Variants in TSHZ2 observed in about 807,000 individuals in gnomAD.
The protein encoded by TSHZ2 is teashirt homolog 2.
TSHZ2 carries 21 observed loss-of-function variants against 74.4 expected under a neutral mutation model. The ratio of observed to expected loss-of-function variants is 0.28; its 90% confidence interval spans 0.20 to 0.41. TSHZ2 has a LOEUF of 0.41. Among genes scored for constraint, TSHZ2 ranks in the 10% least tolerant of loss-of-function variants. The probability of loss-of-function intolerance (pLI) is 1.00; values close to 1 mark genes in which losing one functional copy is unlikely to be tolerated. For missense variants in TSHZ2, 1,244 were observed against 1,293.5 expected (o/e 0.96, Z 0.59); for synonymous variants, 540 against 515.3 (o/e 1.05, Z -0.65).
At chr20:53,197,457 T>G (rs568688045) in intron 1 of TSHZ2, among the ~76,000 whole-genome samples, 4 of 152,326 alleles carry the variant, frequency 2.6e-5, no homozygotes, top group Non-Finnish European at 5.9e-5. Flanking sequence ...CATTAACATC[T>G]TCTGTGTCTA....
intron 2 of TSHZ2, among the ~76,000 whole-genome samples, chr20:53,363,739 C>T (rs1476486752): frequency 6.6e-6 from 1 of 152,122 alleles, no homozygotes; most frequent in Non-Finnish European, 1.5e-5. Flanking sequence ...CTTGAGCCTG[C>T]GAAGTCAAGG....
intron 2 of TSHZ2, among the ~76,000 whole-genome samples, chr20:53,344,705 G>A (rs1222659804): frequency 6.6e-6 from 1 of 152,120 alleles, no homozygotes; most frequent in Non-Finnish European, 1.5e-5. Context: ...AACTGGGTAT[G>A]TTAAAAATAG....
At chr20:53,454,798 A>G (rs1433482525) in intron 2 of TSHZ2, among the ~76,000 whole-genome samples, 3 of 152,076 alleles carry the variant, frequency 2.0e-5, no homozygotes, top group African/African-American at 7.2e-5. Flanking sequence ...AGAAAGTTTC[A>G]TTTGTCTTAT....
At chr20:53,010,434 A>C (rs1029055118) in intron 1 of TSHZ2, among the ~76,000 whole-genome samples, 1 of 152,174 alleles carries the variant, frequency 6.6e-6, no homozygotes, top group South Asian at 2.1e-4. Context: ...GGCACTAGTA[A>C]CTCAGAGTGG....
chr20:52,976,824 A>G, intron 1 of TSHZ2, among the ~76,000 whole-genome samples: 1 of 152,154 alleles, frequency 6.6e-6, no homozygotes, highest in East Asian at 1.9e-4. Context: ...GCCCCTGCCC[A>G]CCCAAAGCAA....
chr20:53,012,537 G>C (rs1231362509), intron 1 of TSHZ2, among the ~76,000 whole-genome samples: 1 of 152,092 alleles, frequency 6.6e-6, no homozygotes. Context: ...CTATTTTCCA[G>C]AACCCCAAGC....
intron 1 of TSHZ2, among the ~76,000 whole-genome samples, chr20:53,193,580 C>T (rs1218935825): frequency 6.6e-6 from 1 of 152,172 alleles, no homozygotes; most frequent in East Asian, 1.9e-4. Context: ...CAAATCTAAC[C>T]AAGAAGGTGC....
At chr20:52,990,619 C>T (rs889198637) in intron 1 of TSHZ2, among the ~76,000 whole-genome samples, 1 of 151,984 alleles carries the variant, frequency 6.6e-6, no homozygotes, top group East Asian at 1.9e-4. Flanking sequence ...TGGATGGGGT[C>T]GGGTCAGGGA....
intron 2 of TSHZ2, among the ~76,000 whole-genome samples, chr20:53,258,544 A>G (rs1450380987): frequency 6.6e-6 from 1 of 152,224 alleles, no homozygotes; most frequent in Non-Finnish European, 1.5e-5. Context: ...TATAATTGCC[A>G]AAACACTCTG....
At chr20:53,183,379 C>T (rs1600728634) in intron 1 of TSHZ2, among the ~76,000 whole-genome samples, 1 of 152,136 alleles carries the variant, frequency 6.6e-6, no homozygotes, top group Non-Finnish European at 1.5e-5. Context: ...AGATGCTGCT[C>T]GGGTCAGTAT....
chr20:53,009,960 C>T (rs557247250), intron 1 of TSHZ2, among the ~76,000 whole-genome samples: 3 of 152,186 alleles, frequency 2.0e-5, no homozygotes, highest in South Asian at 4.1e-4. Context: ...TCTTGTGTTT[C>T]GGGGATGATG....
intron 1 of TSHZ2, among the ~76,000 whole-genome samples, chr20:53,059,920 A>G (rs1400740959): frequency 6.6e-6 from 1 of 152,198 alleles, no homozygotes; most frequent in African/African-American, 2.4e-5. Flanking sequence ...CCCTAGCTTC[A>G]TGACATTTGC....
At chr20:53,294,010 C>G (rs1332630023) in intron 2 of TSHZ2, among the ~76,000 whole-genome samples, 1 of 152,046 alleles carries the variant, frequency 6.6e-6, no homozygotes, top group Admixed American at 6.5e-5. Context: ...GAGCGAGACT[C>G]CATCTCAAAA....
chr20:53,340,875 T>C (rs1385708251), intron 2 of TSHZ2, among the ~76,000 whole-genome samples: 4 of 152,182 alleles, frequency 2.6e-5, no homozygotes, highest in African/African-American at 7.2e-5. Context: ...TGCATCTGTG[T>C]TCGCTTGGAC....
At position 53,254,323 on chromosome 20, in the gene TSHZ2, G is replaced by A; in HGVS notation, c.865G>A (p.Asp289Asn). Residue 289 changes from aspartate (D) to asparagine (N), a missense_variant, in exon 2 of 3, where the codon GAT (aspartate) becomes AAT (asparagine). Around this residue, in one of 6 missense-constraint regions of TSHZ2, gnomAD observed 470 missense variants for 456.5 expected, o/e 1.03. Transcript: ENST00000371497. ...TGGCGACTCCTTTGATTCCCTCCAA[G>A]ATTTGAGCGTCCACATGATTAAAAC... Reference protein sequence around the residue: ...FCGDSFDSLQDLSVHMIKTKH... With the variant: ...FCGDSFDSLQNLSVHMIKTKH... The A allele has an allele frequency of 6.2e-7, 1 of 1,614,144 alleles. No homozygotes were observed. The highest frequency in any genetic ancestry group is 8.5e-7 in the Non-Finnish European group (1 of 1,180,018).
chr20:53,043,447 C>T (rs1984118794), intron 1 of TSHZ2, among the ~76,000 whole-genome samples: 1 of 152,076 alleles, frequency 6.6e-6, no homozygotes, highest in Non-Finnish European at 1.5e-5. Context: ...AATGTAGGAT[C>T]ATCCTGCCCA....
rs1300590545 is a variant in TSHZ2 at position 53,402,893 on chromosome 20, C to T, written c.*9-84251C>T. Among the ~76,000 whole-genome samples, 2 of 152,162 alleles carry T rather than the reference C, an allele frequency of 1.3e-5. 1 individual carries two copies. The highest frequency in any genetic ancestry group is 2.9e-5 in the Non-Finnish European group (2 of 68,028). ...TTGATTCTGCAGCCTGTTCTCCTAC[C>T]CACCACACTGTTCAGCTCCCAGGGC... is the stretch of plus-strand genomic sequence containing the variant. On this transcript the variant is annotated intron_variant, in intron 2 of 2. Coordinates refer to ENST00000371497, the MANE Select transcript of TSHZ2 (RefSeq NM_173485.6).
intron 1 of TSHZ2, among the ~76,000 whole-genome samples, chr20:53,040,449 G>T (rs1380112301): frequency 1.3e-5 from 2 of 152,132 alleles, no homozygotes; most frequent in Non-Finnish European, 2.9e-5. Context: ...GGGAGCCATG[G>T]AAGGGTTTTG....
At chr20:53,324,907 G>C (rs1399160585) in intron 2 of TSHZ2, among the ~76,000 whole-genome samples, 1 of 152,246 alleles carries the variant, frequency 6.6e-6, no homozygotes, top group Non-Finnish European at 1.5e-5. Context: ...AAATTGGCTA[G>C]TTATATTTGT....
Sources: gnomAD v4.1 joint callset for allele counts (sites outside exome capture counted in the v4.1 genomes callset) on GRCh38, gnomAD v4.1.1 for gene constraint, gnomAD v4.1.1 regional missense constraint, MANE v1.5 for transcripts, NCBI Gene and HGNC (gene_info 2026-07-23, HGNC 2026-07-21) for gene names.